MCPH1: variants seen among roughly 807,000 people sequenced by gnomAD.
MCPH1 encodes the protein microcephalin 1.
MCPH1 carries 104 observed loss-of-function variants against 84.5 expected under a neutral mutation model. That is an observed-to-expected ratio of 1.23 (90% CI 1.05 to 1.45). The LOEUF (loss-of-function observed/expected upper bound fraction) is 1.45. Among genes scored for constraint, MCPH1 ranks in the 40% most tolerant of loss-of-function variants. The probability of loss-of-function intolerance (pLI) is 0.00; values close to 1 mark genes in which losing one functional copy is unlikely to be tolerated. For synonymous variants in MCPH1, 514 were observed against 366.8 expected (o/e 1.40, Z -4.58); for missense variants, 1,498 against 1,005.7 (o/e 1.49, Z -6.62).
intron 13 of MCPH1, among the ~76,000 whole-genome samples, chr8:6,629,587 C>T (rs1321809358): frequency 1.3e-5 from 2 of 152,214 alleles, no homozygotes; most frequent in East Asian, 3.8e-4. Context: ...CCCAGGAAGC[C>T]TCAGGAGAAA....
At chr8:6,452,703 C>T (rs2129556568) in intron 8 of MCPH1, among the ~76,000 whole-genome samples, 1 of 152,368 alleles carries the variant, frequency 6.6e-6, no homozygotes, top group Non-Finnish European at 1.5e-5. Context: ...CTTCCTCTCT[C>T]TCTGCCATGT....
At chr8:6,515,311 C>G (rs974310862) in intron 12 of MCPH1, among the ~76,000 whole-genome samples, 7 of 152,100 alleles carry the variant, frequency 4.6e-5, no homozygotes, top group Non-Finnish European at 8.8e-5. Context: ...TGTTTGGCTT[C>G]CTTTATGTGC....
chr8:6,508,088 A>C (rs1231315810), intron 12 of MCPH1: 2 of 152,138 alleles, frequency 1.3e-5, no homozygotes, highest in African/African-American at 4.8e-5. Flanking sequence ...AATTTGATTT[A>C]CTAAAAAAGG....
intron 11 of MCPH1, 185 bp from the exon 12 acceptor site, chr8:6,499,667 T>G (rs1200700575): frequency 7.0e-6 from 4 of 568,342 alleles, no homozygotes; most frequent in Non-Finnish European, 1.3e-5. Flanking sequence ...TCAATCAACT[T>G]TTTATTAATA....
intron 9 of MCPH1, among the ~76,000 whole-genome samples, chr8:6,472,594 G>T (rs1018913182): frequency 1.7e-4 from 26 of 151,952 alleles, no homozygotes; most frequent in Non-Finnish European, 1.0e-4. Context: ...AGCCTCCCAA[G>T]TAGCTGGGAT....
chr8:6,575,514 T>G (rs535029686), intron 12 of MCPH1, among the ~76,000 whole-genome samples: 36 of 152,288 alleles, frequency 2.4e-4, no homozygotes, highest in Middle Eastern at 6.8e-3. Context: ...TGCAAGTGAC[T>G]AAAAATGAGT....
At chr8:6,406,789 C>G in intron 1 of MCPH1, 100 bp downstream of exon 1, 1 of 1,341,774 alleles carries the variant, frequency 7.5e-7, no homozygotes, top group Non-Finnish European at 1.1e-6. Context: ...GAGCCCCGCT[C>G]GCCCCTCCCT....
chr8:6,586,067 C>G (rs897327185), intron 12 of MCPH1, among the ~76,000 whole-genome samples: 2 of 152,156 alleles, frequency 1.3e-5, no homozygotes, highest in African/African-American at 2.4e-5. Context: ...TTCAAGTGAT[C>G]CTTGTACTTC....
intron 2 of MCPH1, 58 bp from the exon 3 acceptor site, chr8:6,414,707 G>T: frequency 1.3e-6 from 2 of 1,591,710 alleles, no homozygotes; most frequent in Non-Finnish European, 8.6e-7. Context: ...TTGATCAGTT[G>T]TAGTTAAGTT....
At chr8:6,432,913 A>C (rs1377504008) in intron 4 of MCPH1, among the ~76,000 whole-genome samples, 1 of 152,204 alleles carries the variant, frequency 6.6e-6, no homozygotes, top group Non-Finnish European at 1.5e-5. Context: ...TTTAGTAAAC[A>C]CAGACATCTC....
chr8:6,532,249 C>G, intron 12 of MCPH1: 6 of 1,516,122 alleles, frequency 4.0e-6, no homozygotes, highest in Non-Finnish European at 4.5e-6. Context: ...GTTTCTCATG[C>G]CTTCATTGAG....
At chr8:6,421,809 C>G (rs965963220) in intron 3 of MCPH1, among the ~76,000 whole-genome samples, 6 of 152,158 alleles carry the variant, frequency 3.9e-5, no homozygotes, top group Admixed American at 2.6e-4. Flanking sequence ...CCCTTCCCTT[C>G]CATTGTCAGC....
chr8:6,429,409 G>T (rs753379352), intron 3 of MCPH1, among the ~76,000 whole-genome samples: 6 of 151,964 alleles, frequency 3.9e-5, no homozygotes, highest in Non-Finnish European at 5.9e-5. Flanking sequence ...TTTGCCCCCT[G>T]CCCCACCCCA....
In MCPH1 at chr8:6,529,851, G is replaced by A. The variant is rs892513695; in HGVS notation, c.2214+29922G>A. On this transcript the variant is annotated intron_variant, in intron 12 of 13. Coordinates refer to ENST00000344683, the MANE Select transcript of MCPH1 (RefSeq NM_024596.5). ...TGTTTTCTTATTTTCCTGTTATCCT[G>A]GATAACATGATATCTAGTTTCACAA... is the stretch of plus-strand genomic sequence containing the variant. Among the ~76,000 whole-genome samples, 3 of 149,380 alleles carry A rather than the reference G, an allele frequency of 2.0e-5. No individual in the cohort carries two copies. In the South Asian group the frequency reaches 6.4e-4, roughly 32 times the overall value.
chr8:6,485,035 A>G (rs1273603934), intron 11 of MCPH1, among the ~76,000 whole-genome samples: 3 of 152,212 alleles, frequency 2.0e-5, no homozygotes, highest in African/African-American at 7.2e-5. Context: ...TAAATTAAGA[A>G]GAATATCTAG....
chr8:6,542,361 C>G (rs1478929035), intron 12 of MCPH1, among the ~76,000 whole-genome samples: 1 of 151,618 alleles, frequency 6.6e-6, no homozygotes, highest in East Asian at 1.9e-4. Context: ...CTCTAAGAAA[C>G]AGACATTCCA....
chr8:6,609,688 A>G (rs1830086071), intron 12 of MCPH1, among the ~76,000 whole-genome samples: 1 of 152,230 alleles, frequency 6.6e-6, no homozygotes. Flanking sequence ...TTTGCATAAA[A>G]TAAGAATTTG....
intron 12 of MCPH1, among the ~76,000 whole-genome samples, chr8:6,542,380 GT>G (rs1821769828): frequency 1.3e-5 from 2 of 152,020 alleles, no homozygotes; most frequent in Non-Finnish European, 2.9e-5. Context: ...CAAAACTTGT[GT>G]GTGTGTGTTT....
intron 12 of MCPH1, among the ~76,000 whole-genome samples, chr8:6,546,838 G>C (rs190458168): frequency 6.6e-6 from 1 of 152,286 alleles, no homozygotes; most frequent in African/African-American, 2.4e-5. Context: ...ATGTTTATCG[G>C]AAAGCGAGTA....
Sources: allele counts gnomAD v4.1 joint callset (sites outside exome capture counted in the v4.1 genomes callset), GRCh38; gene constraint gnomAD v4.1.1; transcripts MANE v1.5; gene names NCBI Gene and HGNC (gene_info 2026-07-23, HGNC 2026-07-21).